The following CENPF variants were observed in gnomAD, a reference collection of about 807,000 sequenced individuals.
The protein encoded by CENPF is centromere protein F, also known as AH antigen.
A neutral mutation model predicts 307.3 loss-of-function variants in CENPF; 214 were observed. The observed-to-expected ratio is 0.70, with a 90% CI of 0.62 to 0.78. The LOEUF is 0.78. CENPF is among the 30% of genes least tolerant of loss of function. CENPF has a pLI of 0.00. For missense variants in CENPF, 3,401 were observed against 3,483.9 expected, an observed-to-expected ratio of 0.98 and a Z score of 0.60; for synonymous variants, 1,259 against 1,270.6, an observed-to-expected ratio of 0.99 and a Z score of 0.19.
chr1:214,657,346 C>A lies in CENPF; in HGVS notation c.8899C>A (p.Pro2967Thr). 1 of 1,613,196 alleles carries A rather than the reference C, an allele frequency of 6.2e-7. No individual in the cohort carries two copies. The highest frequency in any genetic ancestry group is 8.5e-7 in the Non-Finnish European group (1 of 1,180,012). The change falls in exon 18 of 20, where the codon CCT (proline) becomes ACT (threonine). Residue 2967 changes from proline (P) to threonine (T), a missense_variant. Pro to Thr is a conservative substitution (Grantham distance 38). Coordinates refer to ENST00000366955, the MANE Select transcript of CENPF (RefSeq NM_016343.4). ...SKKAVMSGIHPAEDTEGTEFE... is the reference protein window; with the variant it reads ...SKKAVMSGIHTAEDTEGTEFE... ...GAAAGCAGTCATGAGTGGTATTCAC[C>A]CTGCAGAAGACACGGAAGGTACTGA...
intron 9 of CENPF, 126 bp downstream of exon 9, chr1:214,630,788 C>A: frequency 8.2e-7 from 1 of 1,212,802 alleles, no homozygotes; most frequent in Non-Finnish European, 1.1e-6. Flanking sequence ...CTTTCCCTAT[C>A]AAAGTGGAGA....
At position 214,629,182 on chromosome 1, in the gene CENPF, TG is replaced by T; in HGVS notation, c.1194+13del. Reference sequence around the variant, plus strand: ...AAGGAGTTTCAAGAGGTAAGGTAAATGGATTCATGAGGTGTTTGTCTGAAAG... The same window carrying T: ...AAGGAGTTTCAAGAGGTAAGGTAAATGATTCATGAGGTGTTTGTCTGAAAG... On this transcript the variant is annotated intron_variant, in intron 8 of 19. Coordinates refer to ENST00000366955, the MANE Select transcript of CENPF (RefSeq NM_016343.4). 6.3e-7 allele frequency: 1 copy of T among 1,598,690 alleles called. No individual in the cohort carries two copies. The highest frequency in any genetic ancestry group is 1.8e-5 in the Admixed American group (1 of 56,386).
At chr1:214,638,576 T>G (rs1399860191) in intron 11 of CENPF, among the ~76,000 whole-genome samples, 1 of 152,232 alleles carries the variant, frequency 6.6e-6, no homozygotes, top group Non-Finnish European at 1.5e-5. Context: ...TACCCTTTAT[T>G]TTCTCACCTG....
At chr1:214,604,507 A>G (rs1304028181) in intron 1 of CENPF, among the ~76,000 whole-genome samples, 3 of 152,120 alleles carry the variant, frequency 2.0e-5, no homozygotes, top group African/African-American at 7.2e-5. Context: ...ATTGTTCTCT[A>G]TCTTAGACTT....
intron 5 of CENPF, 22 bp downstream of exon 5, chr1:214,619,242 T>C: frequency 9.2e-7 from 1 of 1,084,390 alleles, no homozygotes; most frequent in Non-Finnish European, 1.4e-6. Context: ...ATGGGCCCTA[T>C]AATAGAGTAT....
chr1:214,659,690 T>C lies in CENPF; in HGVS notation c.9141+662T>C, dbSNP rs1196259898. Among the ~76,000 whole-genome samples the C allele has an allele frequency of 7.2e-5, 11 of 152,220 alleles. No homozygotes were observed. The highest frequency in any genetic ancestry group is 2.7e-4 in the African/African-American group (11 of 41,456). ...CAAAGTATATGCATTTTATTTATCT[T>C]TCTCATTTTATTGAACTCTCACAGT... is the stretch of plus-strand genomic sequence containing the variant. On this transcript the variant is annotated intron_variant, in intron 19 of 19. Transcript: ENST00000366955. This position sits in a 1 kb window ranked among gnomAD's most constrained non-coding sequence, Gnocchi z 4.4.
chr1:214,639,015 G>A (rs917423939), intron 11 of CENPF, among the ~76,000 whole-genome samples: 2 of 152,186 alleles, frequency 1.3e-5, no homozygotes, highest in Non-Finnish European at 2.9e-5. Flanking sequence ...GTCTACATAA[G>A]CCCTTAACTA....
chr1:214,658,757 C>A, intron 18 of CENPF, 93 bp from the exon 19 acceptor site: 2 of 1,289,914 alleles, frequency 1.6e-6, no homozygotes, highest in South Asian at 2.7e-5. Flanking sequence ...TTGGAGTTTG[C>A]ATTATCCTTG....
chr1:214,642,149 A>G lies in CENPF; in HGVS notation c.3811A>G (p.Lys1271Glu), dbSNP rs62000407. 3.0e-3 allele frequency: 4,812 copies of G among 1,614,068 alleles called. 5 individuals carry two copies. Among genetic ancestry groups the G allele is most frequent in the Middle Eastern group, 8.4e-3 (51 of 6,062 alleles). Residue 1271 changes from lysine to glutamate, a missense_variant, in exon 12 of 20, where the codon AAG (lysine) becomes GAG (glutamate). Physicochemically the swap from Lys to Glu is moderately conservative, Grantham distance 56. Transcript: ENST00000366955. Reference sequence around the variant, plus strand: ...AGACTGTGAAATAGATGCGGAAGAAAAGTATATTTCAGGGCCTCATGAGTT... The same window carrying G: ...AGACTGTGAAATAGATGCGGAAGAAGAGTATATTTCAGGGCCTCATGAGTT... ...LKDCEIDAEE[K>E]YISGPHELST...
At chr1:214,624,197 A>AT (rs1384016373) in intron 7 of CENPF, among the ~76,000 whole-genome samples, 3 of 151,934 alleles carry the variant, frequency 2.0e-5, no homozygotes, top group Middle Eastern at 3.2e-3. Flanking sequence ...CTTATTAAGG[A>AT]TTTTTTGTGT....
chr1:214,604,566 C>G (rs1248729708), intron 1 of CENPF, among the ~76,000 whole-genome samples: 2 of 152,146 alleles, frequency 1.3e-5, no homozygotes, highest in African/African-American at 4.8e-5. Context: ...GTTTATTCCC[C>G]TCATTTTCTA....
Position 214,659,112 on chromosome 1 carries a change from C to T in CENPF, c.9141+84C>T, listed in dbSNP as rs897155367. ...GGGTGAGGATTGGACACTGCACCCC[C>T]GATTCAGGAGCGCTTTCAAAAAGTC... On this transcript the variant is annotated intron_variant, in intron 19 of 19. Coordinates refer to ENST00000366955, the MANE Select transcript of CENPF (RefSeq NM_016343.4). The surrounding 1 kb of genome is among the most constrained non-coding windows in gnomAD (Gnocchi z 4.4). 2.9e-5 allele frequency: 41 copies of T among 1,427,514 alleles called. No individual in the cohort carries two copies. Among genetic ancestry groups the T allele is most frequent in the Non-Finnish European group, 2.6e-5 (27 of 1,036,436 alleles). 88.4% of individuals were successfully genotyped at this position (1,427,514 alleles called of 1,614,324 possible).
chr1:214,640,632 A>G lies in CENPF; in HGVS notation c.2294A>G (p.Asp765Gly). The change falls in exon 12 of 20, where the codon GAT becomes GGT. Residue 765 changes from aspartate (D) to glycine (G), a missense_variant. Coordinates refer to ENST00000366955, the MANE Select transcript of CENPF (RefSeq NM_016343.4). ...DLHAEYESLR[D>G]LLKSKDASLV... is the part of the protein sequence containing the mutation. ...CATGCCGAATATGAGAGCCTCAGGG[A>G]TCTGCTAAAATCCAAAGATGCTTCT... The G allele has an allele frequency of 1.9e-6, 3 of 1,614,194 alleles. No individual in the cohort carries two copies. The highest frequency in any genetic ancestry group is 2.5e-6 in the Non-Finnish European group (3 of 1,180,012).
intron 19 of CENPF, among the ~76,000 whole-genome samples, chr1:214,661,759 G>A (rs764988661): frequency 1.3e-5 from 2 of 152,064 alleles, no homozygotes; most frequent in Non-Finnish European, 2.9e-5. Flanking sequence ...AGTTTTGTGG[G>A]GATCTTGCAT....
intron 1 of CENPF, chr1:214,608,174 C>T (rs1419964746): frequency 5.6e-6 from 5 of 892,172 alleles, no homozygotes; most frequent in Non-Finnish European, 8.4e-6. Flanking sequence ...GCCTGTCCGG[C>T]TCTCTGGCCC....
intron 1 of CENPF, chr1:214,605,497 C>T: frequency 7.0e-4 from 311 of 441,506 alleles, no homozygotes; most frequent in South Asian, 2.3e-3. Flanking sequence ...GTATTTTCTT[C>T]TTGCTTCCAA....
chr1:214,618,449 G>A (rs1421596129), intron 3 of CENPF, 124 bp from the exon 4 acceptor site: 15 of 1,171,186 alleles, frequency 1.3e-5, no homozygotes, highest in Non-Finnish European at 2.4e-6. Context: ...TAAATGAAAT[G>A]GTTAAGAATT....
Position 214,613,759 on chromosome 1 carries a change from G to C in CENPF, c.5G>C (p.Ser2Thr). M[S>T]WALEEWKEGL... ...TAATAAAGAAGGCAGAACAAAATGA[G>C]CTGGGCTTTGGAAGAATGGAAAGAA... Residue 2 changes from serine to threonine, a missense_variant, in exon 2 of 20, where the codon AGC becomes ACC. Coordinates refer to ENST00000366955, the MANE Select transcript of CENPF (RefSeq NM_016343.4). 2 of 1,600,388 alleles carry C rather than the reference G, an allele frequency of 1.2e-6. No individual in the cohort carries two copies. The highest frequency in any genetic ancestry group is 1.7e-6 in the Non-Finnish European group (2 of 1,175,278).
In CENPF at chr1:214,653,253, A is replaced by G. The variant is rs187920059; in HGVS notation, c.8322+264A>G. On this transcript the variant is annotated intron_variant, in intron 16 of 19. Coordinates refer to ENST00000366955, the MANE Select transcript of CENPF (RefSeq NM_016343.4). ...TTAAAGACTTCTTGAGATAGATTTGAAGATCCAGCCACACAGCAGATGAGG... is the reference window on the plus strand; with the variant it reads ...TTAAAGACTTCTTGAGATAGATTTGGAGATCCAGCCACACAGCAGATGAGG... 3.4e-3 allele frequency among the ~76,000 whole-genome samples: 521 copies of G among 152,300 alleles called. 1 individual carries two copies. Among genetic ancestry groups the G allele is most frequent in the Non-Finnish European group, 5.9e-3 (398 of 68,028 alleles).
Sources: gnomAD v4.1 joint callset for allele counts (sites outside exome capture counted in the v4.1 genomes callset) on GRCh38, gnomAD v4.1.1 for gene constraint, Gnocchi (gnomAD v3.1) non-coding constraint, MANE v1.5 for transcripts, NCBI Gene and HGNC (gene_info 2026-07-23, HGNC 2026-07-21) for gene names.